SNTB2: variants seen among roughly 807,000 people sequenced by gnomAD.
The protein encoded by SNTB2 is syntrophin beta 2, also known as beta-2-syntrophin.
In SNTB2, 34 loss-of-function variants were observed where a neutral mutation model predicts 46.2. The observed-to-expected ratio is 0.74, with a 90% CI of 0.56 to 0.98. SNTB2 has a LOEUF of 0.98. SNTB2 is among the 50% of genes least tolerant of loss of function. SNTB2 has a pLI of 0.00. For synonymous variants in SNTB2, 290 were observed against 312.6 expected (o/e 0.93, Z 0.76); for missense variants, 603 against 731.4 (o/e 0.82, Z 2.02).
chr16:69,233,387 T>G (rs1964525977), intron 1 of SNTB2, among the ~76,000 whole-genome samples: 1 of 152,164 alleles, frequency 6.6e-6, no homozygotes. Context: ...TTTCCTGGTT[T>G]TAAGTAGAAG....
chr16:69,206,973 G>T (rs1036750195), intron 1 of SNTB2, among the ~76,000 whole-genome samples: 1 of 151,648 alleles, frequency 6.6e-6, no homozygotes, highest in Non-Finnish European at 1.5e-5. Context: ...CACCATGTTG[G>T]CCAGGCTGGG....
chr16:69,213,972 C>T (rs958774759), intron 1 of SNTB2, among the ~76,000 whole-genome samples: 13 of 150,220 alleles, frequency 8.7e-5, no homozygotes, highest in Non-Finnish European at 8.9e-5. Context: ...CAGGCACCTG[C>T]CACCATGCCC....
In SNTB2 at chr16:69,187,624, A is replaced by G. The variant is rs1431031538; in HGVS notation, c.458A>G (p.Gln153Arg). The stretch of plus-strand genomic sequence containing the variant: ...ATCTTCCCCGGGCTGGCTGCCGACC[A>G]GAGCCGGGCGCTGCGGCTGGGCGAC... ...SKIFPGLAAD[Q>R]SRALRLGDAI... The change falls in exon 1 of 7, where the codon CAG becomes CGG. Residue 153 changes from glutamine (Q) to arginine (R), a missense_variant. Physicochemically the swap from Gln to Arg is conservative, Grantham distance 43. Transcript: ENST00000336278. The G allele has an allele frequency of 6.4e-7, 1 of 1,557,242 alleles. No homozygotes were observed. The highest frequency in any genetic ancestry group is 8.6e-7 in the Non-Finnish European group (1 of 1,156,516).
At chr16:69,187,806 A>T (rs1271477166) in intron 1 of SNTB2, 60 bp downstream of exon 1, 4 of 1,299,478 alleles carry the variant, frequency 3.1e-6, no homozygotes, top group Admixed American at 3.8e-5. Context: ...GCGGGAGCTC[A>T]CTTTGTTCCT....
At chr16:69,194,685 A>T (rs1428891347) in intron 1 of SNTB2, among the ~76,000 whole-genome samples, 1 of 152,146 alleles carries the variant, frequency 6.6e-6, no homozygotes, top group Non-Finnish European at 1.5e-5. Context: ...GGGGTACCAG[A>T]TGTTCTATTT....
chr16:69,199,816 A>G (rs1469472107), intron 1 of SNTB2, among the ~76,000 whole-genome samples: 1 of 152,166 alleles, frequency 6.6e-6, no homozygotes, highest in Non-Finnish European at 1.5e-5. Flanking sequence ...TAAGACTTAG[A>G]TGCCAAATAA....
chr16:69,294,511 G>A (rs1336931056), intron 5 of SNTB2, among the ~76,000 whole-genome samples: 1 of 151,746 alleles, frequency 6.6e-6, no homozygotes. Context: ...ATCACCTATG[G>A]TCAGGAGTTT....
At chr16:69,232,610 C>T (rs146584310) in intron 1 of SNTB2, among the ~76,000 whole-genome samples, 2 of 142,874 alleles carry the variant, frequency 1.4e-5, no homozygotes, top group East Asian at 4.3e-4. Context: ...CTCCCGGGTT[C>T]AAGCGATTCT....
intron 4 of SNTB2, among the ~76,000 whole-genome samples, chr16:69,282,426 A>C (rs879784402): frequency 6.6e-6 from 1 of 151,552 alleles, no homozygotes; most frequent in African/African-American, 2.4e-5. Flanking sequence ...TGGGCTGTCT[A>C]TTCTGTTCCA....
At chr16:69,245,115 G>T (rs889179119) in intron 1 of SNTB2, among the ~76,000 whole-genome samples, 7 of 152,222 alleles carry the variant, frequency 4.6e-5, no homozygotes, top group African/African-American at 1.7e-4. Flanking sequence ...ATCATCTAAA[G>T]CCTAGATGGG....
intron 1 of SNTB2, among the ~76,000 whole-genome samples, chr16:69,216,690 C>G (rs1339472625): frequency 1.3e-5 from 2 of 151,686 alleles, no homozygotes; most frequent in Non-Finnish European, 2.9e-5. Flanking sequence ...CCTGCCCCCC[C>G]CCCAAAAAAA....
At chr16:69,296,357 G>C (rs1181295226) in intron 5 of SNTB2, among the ~76,000 whole-genome samples, 1 of 152,118 alleles carries the variant, frequency 6.6e-6, no homozygotes, top group Non-Finnish European at 1.5e-5. Flanking sequence ...CACACACACA[G>C]AATCACACAC....
At position 69,304,850 on chromosome 16, in the gene SNTB2, CTT is replaced by C. The variant is rs369525772; in HGVS notation, c.*3937_*3938del. The C allele has an allele frequency of 3.5e-5, 5 of 141,368 alleles. No individual in the cohort carries two copies. The highest frequency in any genetic ancestry group is 3.1e-5 in the Non-Finnish European group (2 of 64,378). 8.8% of individuals were successfully genotyped at this position (141,368 alleles called of 1,614,324 possible). A position where few individuals can be genotyped will look rare whatever the true frequency, so the allele number is the denominator to read the frequency against. ...GGCTAATTTTTATGGATTTTTTTTT[CTT>C]TTTTTTTTTTCGCCATGTTGCCCAG... On this transcript the variant is annotated 3_prime_UTR_variant, in exon 7 of 7. Transcript: ENST00000336278.
chr16:69,278,047 C>T (rs1011158449), intron 4 of SNTB2, among the ~76,000 whole-genome samples: 11 of 152,066 alleles, frequency 7.2e-5, no homozygotes, highest in South Asian at 6.2e-4. Flanking sequence ...CCAGGCACGG[C>T]GGCACGCGCC....
chr16:69,189,686 A>G (rs1231430441), intron 1 of SNTB2, among the ~76,000 whole-genome samples: 1 of 152,198 alleles, frequency 6.6e-6, no homozygotes, highest in Non-Finnish European at 1.5e-5. Context: ...GCAGTGAGCC[A>G]AGATCTCACC....
intron 5 of SNTB2, among the ~76,000 whole-genome samples, chr16:69,294,803 G>T (rs71397908): frequency 6.6e-6 from 1 of 151,340 alleles, no homozygotes; most frequent in African/African-American, 2.4e-5. Flanking sequence ...GATACCTGAA[G>T]AACTGTAGTT....
In SNTB2 at chr16:69,231,540, G is replaced by C. The variant is rs1226150778; in HGVS notation, c.581-14062G>C. Among the ~76,000 whole-genome samples the C allele has an allele frequency of 2.0e-5, 3 of 152,340 alleles. No individual in the cohort carries two copies. The East Asian group carries it at 5.8e-4, about 29-fold the overall frequency. On this transcript the variant is annotated intron_variant, in intron 1 of 6. Coordinates refer to ENST00000336278, the MANE Select transcript of SNTB2 (RefSeq NM_006750.4). ...GGAGGCAGAGGTTGCAGAGAGCCGA[G>C]ATAATGCCATTGCATTCCAGCCTGG...
At chr16:69,287,776 T>C (rs1965118698) in intron 5 of SNTB2, among the ~76,000 whole-genome samples, 1 of 151,928 alleles carries the variant, frequency 6.6e-6, no homozygotes, top group South Asian at 2.1e-4. Context: ...CAAGAATTGC[T>C]TGAACCTGGG....
At chr16:69,235,804 C>T (rs1376695193) in intron 1 of SNTB2, 1 of 1,289,192 alleles carries the variant, frequency 7.8e-7, no homozygotes, top group Non-Finnish European at 1.0e-6. Context: ...AGCTGCTGTA[C>T]TAAGTTTCTT....
Sources: allele counts gnomAD v4.1 joint callset (sites outside exome capture counted in the v4.1 genomes callset), GRCh38; gene constraint gnomAD v4.1.1; transcripts MANE v1.5; gene names NCBI Gene and HGNC (gene_info 2026-07-23, HGNC 2026-07-21).